STAT4: variants seen among roughly 807,000 people sequenced by gnomAD.
STAT4 encodes the protein signal transducer and activator of transcription 4.
In STAT4, 42 loss-of-function variants were observed where a neutral mutation model predicts 110.5. The observed-to-expected ratio is 0.38, with a 90% CI of 0.30 to 0.49. STAT4 has a LOEUF of 0.49. Among genes scored for constraint, STAT4 ranks in the 20% least tolerant of loss-of-function variants. The pLI, the probability that STAT4 is intolerant of heterozygous loss-of-function variation, is 0.95. For synonymous variants in STAT4, 284 were observed against 302.2 expected (o/e 0.94, Z 0.63); for missense variants, 632 against 887.9 (o/e 0.71, Z 3.66).
chr2:191,056,644 G>GTA, intron 13 of STAT4, among the ~76,000 whole-genome samples: 1 of 152,190 alleles, frequency 6.6e-6, no homozygotes, highest in African/African-American at 2.4e-5. Context: ...TTTGATACAT[G>GTA]TATACAGTGT....
In STAT4 at chr2:191,066,331, G is replaced by T; in HGVS notation, c.630+99C>A. 9.4e-7 allele frequency: 1 copy of T among 1,062,602 alleles called. No homozygotes were observed. 65.8% of individuals were successfully genotyped at this position (1,062,602 alleles called of 1,614,324 possible). ...TTGCCGTTTCTTCATTCAGTAAATGGAACTGATAAAATCTGACAGCTTGAT... is the reference window on the plus strand; with the variant it reads ...TTGCCGTTTCTTCATTCAGTAAATGTAACTGATAAAATCTGACAGCTTGAT... On this transcript the variant is annotated intron_variant, in intron 7 of 23. Transcript: ENST00000392320. The surrounding 1 kb of genome is among the most constrained non-coding windows in gnomAD (Gnocchi z 4.3).
rs1043544482 is a variant in STAT4 at position 191,110,948 on chromosome 2, G to A, written c.274-34623C>T. 3.3e-5 allele frequency among the ~76,000 whole-genome samples: 5 copies of A among 151,872 alleles called. No individual in the cohort carries two copies. The highest frequency in any genetic ancestry group is 2.1e-4 in the South Asian group (1 of 4,806). ...ACAGGTGGGTGACACCAGGCCCAGCGAATTTTTCTGTATTTTTAGTAGAGA... is the reference window on the plus strand; with the variant it reads ...ACAGGTGGGTGACACCAGGCCCAGCAAATTTTTCTGTATTTTTAGTAGAGA... On this transcript the variant is annotated intron_variant, in intron 3 of 23. Coordinates refer to ENST00000392320, the MANE Select transcript of STAT4 (RefSeq NM_003151.4). The surrounding 1 kb of genome is among the most constrained non-coding windows in gnomAD (Gnocchi z 4.5).
At chr2:191,134,036 A>G (rs1699114156) in intron 3 of STAT4, among the ~76,000 whole-genome samples, 1 of 152,232 alleles carries the variant, frequency 6.6e-6, no homozygotes, top group South Asian at 2.1e-4. Context: ...ATTACATGAC[A>G]GTCTAGAAAA....
intron 3 of STAT4, among the ~76,000 whole-genome samples, chr2:191,125,580 A>G (rs1009650595): frequency 3.3e-5 from 5 of 151,554 alleles, no homozygotes; most frequent in Non-Finnish European, 7.4e-5. Context: ...CTCAAACTCC[A>G]GGGCTTAAGT....
intron 3 of STAT4, among the ~76,000 whole-genome samples, chr2:191,129,183 A>G (rs1167917997): frequency 2.0e-5 from 3 of 152,236 alleles, no homozygotes; most frequent in Non-Finnish European, 4.4e-5. Context: ...AAAAATGAAG[A>G]CATGAATTCA....
chr2:191,144,392 C>T lies in STAT4; in HGVS notation c.273+2221G>A, dbSNP rs945611116. Among the ~76,000 whole-genome samples, 3 of 151,994 alleles carry T rather than the reference C, an allele frequency of 2.0e-5. No homozygotes were observed. The highest frequency in any genetic ancestry group is 4.4e-5 in the Non-Finnish European group (3 of 68,010). On this transcript the variant is annotated intron_variant, in intron 3 of 23. Coordinates refer to ENST00000392320, the MANE Select transcript of STAT4 (RefSeq NM_003151.4). This position sits in a 1 kb window ranked among gnomAD's most constrained non-coding sequence, Gnocchi z 4.7. ...AAGAGGGATGGAAGAGCATTCCTGG[C>T]CATAGGACCGTCATGGACAAGGCTG...
At position 191,061,620 on chromosome 2, in the gene STAT4, T is replaced by C. The variant is rs991689543; in HGVS notation, c.1034+109A>G. ...TCAGAGCTGGGCACACAGCAGATGG[T>C]TCAATAAAGAACAGCTGAATGCAAG... is the stretch of plus-strand genomic sequence containing the variant. On this transcript the variant is annotated intron_variant, in intron 10 of 23. Coordinates refer to ENST00000392320, the MANE Select transcript of STAT4 (RefSeq NM_003151.4). This position sits in a 1 kb window ranked among gnomAD's most constrained non-coding sequence, Gnocchi z 6.2. 1.1e-5 allele frequency: 11 copies of C among 1,028,556 alleles called. No homozygotes were observed. In the African/African-American group the frequency reaches 1.7e-4, roughly 16 times the overall value. The allele number at this position is 1,028,556 out of a possible 1,614,324, so 63.7% of individuals were successfully genotyped here. A position where few individuals can be genotyped will look rare whatever the true frequency, so the allele number is the denominator to read the frequency against.
rs1001798517 is a variant in STAT4 at position 191,053,083 on chromosome 2, T to C, written c.1251+1407A>G. On this transcript the variant is annotated intron_variant, in intron 14 of 23. Coordinates refer to ENST00000392320, the MANE Select transcript of STAT4 (RefSeq NM_003151.4). This position sits in a 1 kb window ranked among gnomAD's most constrained non-coding sequence, Gnocchi z 4.5. ...GCAAAATGGTAGGGCATTAAATCTT[T>C]TGTGATGGATCTTTATGGTTTTGTG... Among the ~76,000 whole-genome samples the C allele has an allele frequency of 1.3e-5, 2 of 152,232 alleles. No individual in the cohort carries two copies. The highest frequency in any genetic ancestry group is 4.8e-5 in the African/African-American group (2 of 41,464).
At chr2:191,040,432 T>C (rs1696158979) in intron 15 of STAT4, among the ~76,000 whole-genome samples, 1 of 152,226 alleles carries the variant, frequency 6.6e-6, no homozygotes, top group Non-Finnish European at 1.5e-5. Flanking sequence ...CTTATTTCTC[T>C]TTAGGCTTTC....
chr2:191,034,970 C>T (rs950477616), intron 17 of STAT4, among the ~76,000 whole-genome samples: 9 of 152,140 alleles, frequency 5.9e-5, no homozygotes, highest in South Asian at 4.1e-4. Flanking sequence ...ACAGGAAGAG[C>T]TGCCTAATGT....
At position 191,046,292 on chromosome 2, in the gene STAT4, C is replaced by T. The variant is rs115861189; in HGVS notation, c.1252-5144G>A. On this transcript the variant is annotated intron_variant, in intron 14 of 23. Coordinates refer to ENST00000392320, the MANE Select transcript of STAT4 (RefSeq NM_003151.4). This position sits in a 1 kb window ranked among gnomAD's most constrained non-coding sequence, Gnocchi z 4.6. Reference sequence around the variant, plus strand: ...TGCCTTGACATATCCTTCACATAACCGAATTGGCCAGGTTTTAGCTCCTTG... The same window carrying T: ...TGCCTTGACATATCCTTCACATAACTGAATTGGCCAGGTTTTAGCTCCTTG... Among the ~76,000 whole-genome samples, 2 of 152,174 alleles carry T rather than the reference C, an allele frequency of 1.3e-5. No homozygotes were observed. Among genetic ancestry groups the T allele is most frequent in the Non-Finnish European group, 2.9e-5 (2 of 68,030 alleles).
Position 191,150,865 on chromosome 2 carries a change from A to G in STAT4, c.-2+82T>C. 1 of 968,424 alleles carries G rather than the reference A, an allele frequency of 1.0e-6. No individual in the cohort carries two copies. Among genetic ancestry groups the G allele is most frequent in the Non-Finnish European group, 1.2e-6 (1 of 814,566 alleles). The allele number at this position is 968,424 out of a possible 1,614,324, so 60.0% of individuals were successfully genotyped here. ...GAAGCAATTGTCAAAACGCCAAGGG[A>G]AAGCAAAGCTTCAGAGTATCCTGCA... On this transcript the variant is annotated intron_variant, in intron 1 of 23. Coordinates refer to ENST00000392320, the MANE Select transcript of STAT4 (RefSeq NM_003151.4). This position sits in a 1 kb window ranked among gnomAD's most constrained non-coding sequence, Gnocchi z 6.4.
At position 191,099,263 on chromosome 2, in the gene STAT4, A is replaced by C. The variant is rs1042712889; in HGVS notation, c.274-22938T>G. Among the ~76,000 whole-genome samples, 1 of 152,170 alleles carries C rather than the reference A, an allele frequency of 6.6e-6. No individual in the cohort carries two copies. The highest frequency in any genetic ancestry group is 1.5e-5 in the Non-Finnish European group (1 of 68,004). ...ATGAGGGTCCTAGTACACTTTGCTGATGGAACTGTGAATTTTACAACCTAT... is the reference window on the plus strand; with the variant it reads ...ATGAGGGTCCTAGTACACTTTGCTGCTGGAACTGTGAATTTTACAACCTAT... On this transcript the variant is annotated intron_variant, in intron 3 of 23. Transcript: ENST00000392320. The surrounding 1 kb of genome is among the most constrained non-coding windows in gnomAD (Gnocchi z 4.1).
At chr2:191,096,833 CCT>C (rs1697999639) in intron 3 of STAT4, among the ~76,000 whole-genome samples, 2 of 152,086 alleles carry the variant, frequency 1.3e-5, no homozygotes, top group African/African-American at 4.8e-5. Flanking sequence ...TCAAATTGTC[CCT>C]GTTTGCAGAT....
chr2:191,093,237 G>T (rs1290212962), intron 3 of STAT4, among the ~76,000 whole-genome samples: 1 of 152,230 alleles, frequency 6.6e-6, no homozygotes, highest in Non-Finnish European at 1.5e-5. Context: ...TGGACAGACT[G>T]CCTCCTCAAG....
At chr2:191,096,784 A>G (rs1280219071) in intron 3 of STAT4, among the ~76,000 whole-genome samples, 2 of 152,246 alleles carry the variant, frequency 1.3e-5, no homozygotes, top group Non-Finnish European at 2.9e-5. Context: ...ATCAGGCAAG[A>G]TAACGAAATT....
At chr2:191,085,425 TTTATATTTATA>T (rs1286218038) in intron 3 of STAT4, among the ~76,000 whole-genome samples, 12 of 151,186 alleles carry the variant, frequency 7.9e-5, no homozygotes, top group Admixed American at 6.6e-4. Context: ...GGGTTAAATA[TTTATATTTATA>T]TTATATTTAT....
rs558894554 is a variant in STAT4, at chr2:191,063,708, G to A, written c.783-788C>T. Among the ~76,000 whole-genome samples, 11 of 152,264 alleles carry A rather than the reference G, an allele frequency of 7.2e-5. No individual in the cohort carries two copies. In the South Asian group the frequency reaches 2.3e-3, roughly 32 times the overall value. On this transcript the variant is annotated intron_variant, in intron 8 of 23. Coordinates refer to ENST00000392320, the MANE Select transcript of STAT4 (RefSeq NM_003151.4). ...GTGGTTGAATCCCTGCTGATTTGGGGTATGAGCTCCATTATAGGTTAAGAT... is the reference window on the plus strand; with the variant it reads ...GTGGTTGAATCCCTGCTGATTTGGGATATGAGCTCCATTATAGGTTAAGAT...
rs917163156 is a variant in STAT4, at chr2:191,060,817, T to C, written c.1034+912A>G. Among the ~76,000 whole-genome samples, 1 of 152,204 alleles carries C rather than the reference T, an allele frequency of 6.6e-6. No individual in the cohort carries two copies. Among genetic ancestry groups the C allele is most frequent in the Non-Finnish European group, 1.5e-5 (1 of 68,036 alleles). Reference sequence around the variant, plus strand: ...ACAAAGAAACTGATTAAGAAGTTAATGGTGTCTTAAAAATGCAAACCGAAG... The same window carrying C: ...ACAAAGAAACTGATTAAGAAGTTAACGGTGTCTTAAAAATGCAAACCGAAG... On this transcript the variant is annotated intron_variant, in intron 10 of 23. Transcript: ENST00000392320. This position sits in a 1 kb window ranked among gnomAD's most constrained non-coding sequence, Gnocchi z 4.5.
Sources: gnomAD v4.1 joint callset for allele counts (sites outside exome capture counted in the v4.1 genomes callset) on GRCh38, gnomAD v4.1.1 for gene constraint, Gnocchi (gnomAD v3.1) non-coding constraint, MANE v1.5 for transcripts, NCBI Gene and HGNC (gene_info 2026-07-23, HGNC 2026-07-21) for gene names.